The following AGBL5 variants were observed in gnomAD, a reference collection of about 807,000 sequenced individuals.
AGBL5 encodes AGBL carboxypeptidase 5, also known as cytosolic carboxypeptidase-like protein 5.
In AGBL5, 51 loss-of-function variants were observed where a neutral mutation model predicts 88.0. The ratio of observed to expected loss-of-function variants is 0.58; its 90% confidence interval spans 0.46 to 0.73. The LOEUF (loss-of-function observed/expected upper bound fraction) is 0.73. Among genes scored for constraint, AGBL5 ranks in the 30% least tolerant of loss-of-function variants. AGBL5 has a pLI of 0.00. For synonymous variants in AGBL5, 446 were observed against 438.8 expected, an observed-to-expected ratio of 1.02 and a Z score of -0.21; for missense variants, 1,031 against 1,162.2, an observed-to-expected ratio of 0.89 and a Z score of 1.64.
chr2:27,055,046 C>CTTAA (rs1283055618), intron 5 of AGBL5, 29 bp from the exon 6 acceptor site: 7 of 1,606,512 alleles, frequency 4.4e-6, no homozygotes, highest in Non-Finnish European at 6.0e-6. Context: ...GGGTAACTGA[C>CTTAA]TTAATGTCTG....
chr2:27,069,656 G>A lies in AGBL5; in HGVS notation c.2439G>A (p.Arg813=), dbSNP rs1230778696. The change falls in exon 14 of 15, where the codon CGG becomes CGA. Residue 813 remains arginine (R), a synonymous_variant. Transcript: ENST00000360131. The part of the protein sequence containing the change: ...GSSGPTSPTP[R]TRESSELELG... Reference sequence around the variant, plus strand: ...CAGGCCCCACATCCCCTACCCCCCGGACCAGGGAGAGCAGTGAGCTGGAGC... The same window carrying A: ...CAGGCCCCACATCCCCTACCCCCCGAACCAGGGAGAGCAGTGAGCTGGAGC... 1 of 1,614,108 alleles carries A rather than the reference G, an allele frequency of 6.2e-7. No individual in the cohort carries two copies. Among genetic ancestry groups the A allele is most frequent in the Non-Finnish European group, 8.5e-7 (1 of 1,179,974 alleles).
Position 27,053,950 on chromosome 2 carries a change from G to T in AGBL5, c.442G>T (p.Gly148Trp), listed in dbSNP as rs750887726. ...TGTTCATCGTTTCGTGGAGGGCCGT[G>T]GGGCCACCACCTTCTTCGCCTTCTG... Reference protein sequence around the residue: ...SFVHRFVEGRGATTFFAFCYP... With the variant: ...SFVHRFVEGRWATTFFAFCYP... Residue 148 changes from glycine (G) to tryptophan (W), a missense_variant, in exon 4 of 15, where the codon GGG becomes TGG. Transcript: ENST00000360131. The surrounding 1 kb of genome is among the most constrained non-coding windows in gnomAD (Gnocchi z 4.9). The T allele has an allele frequency of 1.9e-6, 3 of 1,614,112 alleles. No homozygotes were observed. The Admixed American group carries it at 5.0e-5, about 27-fold the overall frequency.
At position 27,059,268 on chromosome 2, in the gene AGBL5, C is replaced by T. The variant is rs1284433769; in HGVS notation, c.1953C>T (p.Ser651=). ...GCACCGGCACAAGTGCCGGTGGTAG[C>T]AGCAGCAGCCAACAAAATTCTCCAC... The part of the protein sequence containing the change: ...SFSTGTSAGG[S]SSSQQNSPQM... Residue 651 remains serine (S), a synonymous_variant, in exon 11 of 15, where the codon AGC becomes AGT. Transcript: ENST00000360131. 1.2e-6 allele frequency: 2 copies of T among 1,614,182 alleles called. No individual in the cohort carries two copies. The highest frequency in any genetic ancestry group is 1.7e-6 in the Non-Finnish European group (2 of 1,180,022).
intron 8 of AGBL5, 75 bp downstream of exon 8, chr2:27,056,867 A>C: frequency 2.1e-6 from 3 of 1,452,596 alleles, no homozygotes; most frequent in Non-Finnish European, 1.8e-6. Flanking sequence ...GTGGTGGTGC[A>C]TGCTTGTAAT....
intron 12 of AGBL5, chr2:27,067,875 C>T: frequency 1.7e-6 from 1 of 591,336 alleles, no homozygotes; most frequent in Non-Finnish European, 3.1e-6. Flanking sequence ...CTGCTCTACA[C>T]ACTTAATCTC....
At chr2:27,054,555 C>T (rs1313470327) in intron 4 of AGBL5, 75 bp from the exon 5 acceptor site, 6 of 1,442,158 alleles carry the variant, frequency 4.2e-6, no homozygotes, top group Non-Finnish European at 9.5e-7. Context: ...TTTACAGATC[C>T]TGGGCTGGTG....
At position 27,053,207 on chromosome 2, in the gene AGBL5, T is replaced by C; in HGVS notation, c.215+34T>C. 1 of 1,552,132 alleles carries C rather than the reference T, an allele frequency of 6.4e-7. No homozygotes were observed. The highest frequency in any genetic ancestry group is 1.4e-5 in the African/African-American group (1 of 73,534). On this transcript the variant is annotated intron_variant, in intron 2 of 14. Coordinates refer to ENST00000360131, the MANE Select transcript of AGBL5 (RefSeq NM_021831.6). The surrounding 1 kb of genome is among the most constrained non-coding windows in gnomAD (Gnocchi z 4.9). ...AACGAAATGGAGGGTGGAAAAAGGC[T>C]CCAAACCCATGCTTCAGTTAGCCCT...
intron 11 of AGBL5, 90 bp downstream of exon 11, chr2:27,059,494 C>G (rs532007798): frequency 1.3e-6 from 2 of 1,583,282 alleles, no homozygotes; most frequent in African/African-American, 1.4e-5. Flanking sequence ...ACTGTTGGCC[C>G]AGGACCAAGG....
At chr2:27,056,535 A>T in intron 7 of AGBL5, 88 bp from the exon 8 acceptor site, 3 of 1,204,966 alleles carry the variant, frequency 2.5e-6, no homozygotes, top group Non-Finnish European at 3.5e-6. Context: ...GCTGTGTATT[A>T]AGTCACATGG....
intron 11 of AGBL5, chr2:27,059,632 A>G: frequency 1.0e-6 from 1 of 969,658 alleles, no homozygotes; most frequent in Non-Finnish European, 1.5e-6. Context: ...TCTGGGCTTC[A>G]GTGCATGCTA....
In AGBL5 at chr2:27,053,124, G is replaced by A; in HGVS notation, c.166G>A (p.Val56Met). ...CTCTTCCCCTGACTATGAATTCAACGTGTGGACCCGACCAGACTGTGCTGA... is the reference window on the plus strand; with the variant it reads ...CTCTTCCCCTGACTATGAATTCAACATGTGGACCCGACCAGACTGTGCTGA... ...IASSPDYEFN[V>M]WTRPDCAETE... The change falls in exon 2 of 15, where the codon GTG becomes ATG. Residue 56 changes from valine (V) to methionine (M), a missense_variant. Val to Met is a conservative substitution (Grantham distance 21, BLOSUM62 1). Coordinates refer to ENST00000360131, the MANE Select transcript of AGBL5 (RefSeq NM_021831.6). This position sits in a 1 kb window ranked among gnomAD's most constrained non-coding sequence, Gnocchi z 4.9. 2 of 1,612,290 alleles carry A rather than the reference G, an allele frequency of 1.2e-6. No homozygotes were observed. Among genetic ancestry groups the A allele is most frequent in the Non-Finnish European group, 8.5e-7 (1 of 1,178,906 alleles).
Position 27,068,649 on chromosome 2 carries a change from T to C in AGBL5, c.2260T>C (p.Leu754=), listed in dbSNP as rs2148306062. 6.2e-7 allele frequency: 1 copy of C among 1,614,110 alleles called. No homozygotes were observed. Among genetic ancestry groups the C allele is most frequent in the Non-Finnish European group, 8.5e-7 (1 of 1,179,986 alleles). ...FNIPGSSCSL[L]SSGDKPEAVM... ...TTCCCTAGGGAGCAGTTGCTCACTC[T>C]TGTCCTCTGGAGACAAACCAGAGGC... Residue 754 remains leucine, a synonymous_variant, in exon 13 of 15, where the codon TTG becomes CTG. Coordinates refer to ENST00000360131, the MANE Select transcript of AGBL5 (RefSeq NM_021831.6).
chr2:27,055,037 G>A (rs1054482941), intron 5 of AGBL5, 38 bp from the exon 6 acceptor site: 1 of 1,597,550 alleles, frequency 6.3e-7, no homozygotes, highest in African/African-American at 1.3e-5. Flanking sequence ...AGAACTACAG[G>A]GTAACTGACT....
chr2:27,057,403 T>C lies in AGBL5; in HGVS notation c.1636T>C (p.Phe546Leu). The change falls in exon 9 of 15, where the codon TTC becomes CTC. Residue 546 changes from phenylalanine (F) to leucine (L), a missense_variant. Physicochemically the swap from Phe to Leu is conservative, Grantham distance 22. Transcript: ENST00000360131. ...TGCCAGCCCCCCTCCCCCGCCGGCT[T>C]TCCCCTCCAGATACACTGTGGAACT... ...GRASPPPPPA[F>L]PSRYTVELFE... 1 of 1,613,694 alleles carries C rather than the reference T, an allele frequency of 6.2e-7. No individual in the cohort carries two copies.
chr2:27,065,121 G>A (rs975941191), intron 11 of AGBL5, among the ~76,000 whole-genome samples: 2 of 152,122 alleles, frequency 1.3e-5, no homozygotes, highest in African/African-American at 4.8e-5. Flanking sequence ...GGAAGATGAA[G>A]TTACTGTCAC....
rs1443042640 is a variant in AGBL5, at chr2:27,054,606, G to A, written c.552-24G>A. On this transcript the variant is annotated intron_variant, in intron 4 of 14. Coordinates refer to ENST00000360131, the MANE Select transcript of AGBL5 (RefSeq NM_021831.6). ...TACTAGGACTTTAGGGACTTCTCCT[G>A]GCTTAATTTTTTTTTCCCTGTAGCC... 9 of 1,603,900 alleles carry A rather than the reference G, an allele frequency of 5.6e-6. No homozygotes were observed. The East Asian group carries it at 1.6e-4, about 28-fold the overall frequency.
chr2:27,053,528 C>T lies in AGBL5; in HGVS notation c.342C>T (p.Pro114=), dbSNP rs1668282267. The change falls in exon 3 of 15, where the codon CCC becomes CCT. Residue 114 remains proline, a synonymous_variant. Coordinates refer to ENST00000360131, the MANE Select transcript of AGBL5 (RefSeq NM_021831.6). This position sits in a 1 kb window ranked among gnomAD's most constrained non-coding sequence, Gnocchi z 4.9. ...QGMAPFVRTL[P]TRPRWERIRD... is the part of the protein sequence containing the mutation. ...TGGCCCCCTTTGTGCGCACACTGCCCACCCGGCCACGCTGGGAACGCATTC... is the reference window on the plus strand; with the variant it reads ...TGGCCCCCTTTGTGCGCACACTGCCTACCCGGCCACGCTGGGAACGCATTC... The T allele has an allele frequency of 1.9e-6, 3 of 1,613,988 alleles. No homozygotes were observed. The highest frequency in any genetic ancestry group is 1.3e-5 in the African/African-American group (1 of 74,930).
chr2:27,055,185 C>T lies in AGBL5; in HGVS notation c.840C>T (p.Leu280=), dbSNP rs557680569. Residue 280 remains leucine, a synonymous_variant, in exon 6 of 15, where the codon CTC becomes CTT. Transcript: ENST00000360131. ...LRPDDPRAQT[L]RRLFVFKLIP... ...CTGATGATCCCCGGGCCCAAACCCT[C>T]CGTCGCCTCTTCGTCTTTAAGCTGA... 1.2e-6 allele frequency: 2 copies of T among 1,614,236 alleles called. No homozygotes were observed. Among genetic ancestry groups the T allele is most frequent in the Non-Finnish European group, 1.7e-6 (2 of 1,180,044 alleles).
chr2:27,060,104 G>A (rs748239113), intron 11 of AGBL5, among the ~76,000 whole-genome samples: 10 of 152,184 alleles, frequency 6.6e-5, no homozygotes, highest in Admixed American at 2.0e-4. Context: ...AGCCAAGATC[G>A]TGCCACTGCA....
Sources: gnomAD v4.1 joint callset for allele counts (sites outside exome capture counted in the v4.1 genomes callset) on GRCh38, gnomAD v4.1.1 for gene constraint, Gnocchi (gnomAD v3.1) non-coding constraint, MANE v1.5 for transcripts, NCBI Gene and HGNC (gene_info 2026-07-23, HGNC 2026-07-21) for gene names.